Variants in CNTN4 observed in about 807,000 individuals in gnomAD.
CNTN4 encodes contactin-4.
CNTN4 carries 77 observed loss-of-function variants against 122.5 expected under a neutral mutation model. The ratio of observed to expected loss-of-function variants is 0.63; its 90% confidence interval spans 0.52 to 0.76. CNTN4 has a LOEUF of 0.76. CNTN4 is among the 30% of genes least tolerant of loss of function. The pLI is 0.00. For missense variants in CNTN4, 1,256 were observed against 1,259.1 expected, an observed-to-expected ratio of 1.00 and a Z score of 0.04; for synonymous variants, 512 against 447.0, an observed-to-expected ratio of 1.15 and a Z score of -1.83.
intron 4 of CNTN4, among the ~76,000 whole-genome samples, chr3:2,580,228 T>C (rs2079875254): frequency 6.6e-6 from 1 of 152,058 alleles, no homozygotes; most frequent in Non-Finnish European, 1.5e-5. Context: ...AAACCAGTGG[T>C]GTTGGTGACA....
rs138984686 is a variant in CNTN4 at position 3,031,865 on chromosome 3, G to A, written c.1783+890G>A. 8.5e-5 allele frequency among the ~76,000 whole-genome samples: 13 copies of A among 152,260 alleles called. No homozygotes were observed. The East Asian group carries it at 2.1e-3, about 25-fold the overall frequency. The stretch of plus-strand genomic sequence containing the variant: ...GGCATCTTTGGCCGGCTGGCAGAGC[G>A]CATGGCAAAACTTCGAACGCAAGAA... On this transcript the variant is annotated intron_variant, in intron 16 of 24. Transcript: ENST00000418658.
At chr3:2,918,721 G>T (rs916694661) in intron 12 of CNTN4, among the ~76,000 whole-genome samples, 3 of 152,184 alleles carry the variant, frequency 2.0e-5, no homozygotes, top group African/African-American at 7.2e-5. Context: ...CACCAGTTCA[G>T]ATGATTTAGT....
At chr3:2,925,831 G>T (rs545276840) in intron 13 of CNTN4, 52 bp downstream of exon 13, 76 of 1,499,854 alleles carry the variant, frequency 5.1e-5, no homozygotes, top group Non-Finnish European at 3.9e-5. Context: ...AAATGTGTTG[G>T]TCTGTTATTA....
chr3:2,596,083 G>C (rs1559284424), intron 4 of CNTN4, among the ~76,000 whole-genome samples: 1 of 152,144 alleles, frequency 6.6e-6, no homozygotes. Context: ...TTACATGAAG[G>C]TTTAATTAAA....
intron 3 of CNTN4, among the ~76,000 whole-genome samples, chr3:2,364,193 C>T (rs1486110648): frequency 1.3e-5 from 2 of 152,156 alleles, no homozygotes; most frequent in Non-Finnish European, 2.9e-5. Context: ...ACTGCTGAAA[C>T]CAGCTGGCAG....
intron 2 of CNTN4, among the ~76,000 whole-genome samples, chr3:2,264,281 AT>A (rs2040954667): frequency 1.3e-5 from 2 of 151,762 alleles, no homozygotes; most frequent in Non-Finnish European, 2.9e-5. Context: ...AGCATGTGTT[AT>A]TTTTTGTCTT....
chr3:2,421,586 TC>T (rs1163692068), intron 3 of CNTN4, among the ~76,000 whole-genome samples: 3 of 152,188 alleles, frequency 2.0e-5, no homozygotes, highest in Non-Finnish European at 4.4e-5. Context: ...ATTTCTTTTT[TC>T]TTCTCTGTTG....
At chr3:2,569,940 C>G (rs1319180876) in intron 3 of CNTN4, among the ~76,000 whole-genome samples, 1 of 152,052 alleles carries the variant, frequency 6.6e-6, no homozygotes, top group African/African-American at 2.4e-5. Flanking sequence ...TAAAGAGACT[C>G]TAGAGGATAG....
chr3:2,168,607 A>T (rs2036306791), intron 2 of CNTN4, among the ~76,000 whole-genome samples: 1 of 152,144 alleles, frequency 6.6e-6, no homozygotes, highest in Non-Finnish European at 1.5e-5. Context: ...TAAAAGTAGA[A>T]ATTAATGACT....
At chr3:2,456,479 A>G (rs1043998810) in intron 3 of CNTN4, among the ~76,000 whole-genome samples, 5 of 152,110 alleles carry the variant, frequency 3.3e-5, no homozygotes, top group African/African-American at 1.2e-4. Flanking sequence ...CATCACCTTC[A>G]AATAAAACCC....
rs1259940218 is a variant in CNTN4, at chr3:2,787,328, A to G, written c.359-32158A>G. 3.9e-5 allele frequency among the ~76,000 whole-genome samples: 6 copies of G among 152,178 alleles called. No homozygotes were observed. The South Asian group carries it at 1.2e-3, about 32-fold the overall frequency. On this transcript the variant is annotated intron_variant, in intron 6 of 24. Coordinates refer to ENST00000418658, the MANE Select transcript of CNTN4 (RefSeq NM_175607.3). Reference sequence around the variant, plus strand: ...GAGGTGGAGGTTGCAGTGAGCCGAGATCATGCCACTGCTCTCCAGCCTGGG... The same window carrying G: ...GAGGTGGAGGTTGCAGTGAGCCGAGGTCATGCCACTGCTCTCCAGCCTGGG...
chr3:2,824,158 TAAA>T (rs56973508), intron 7 of CNTN4, among the ~76,000 whole-genome samples: 3 of 142,860 alleles, frequency 2.1e-5, no homozygotes, highest in Non-Finnish European at 3.1e-5. Context: ...CCAAGGCTGT[TAAA>T]AAAAAAAAAA....
intron 3 of CNTN4, among the ~76,000 whole-genome samples, chr3:2,553,718 T>G (rs1266513561): frequency 6.6e-6 from 1 of 152,142 alleles, no homozygotes; most frequent in East Asian, 1.9e-4. Flanking sequence ...CAAACTAACT[T>G]TGCTGAATTA....
At position 2,638,643 on chromosome 3, in the gene CNTN4, T is replaced by C. The variant is rs552211837; in HGVS notation, c.55+67085T>C. On this transcript the variant is annotated intron_variant, in intron 4 of 24. Coordinates refer to ENST00000418658, the MANE Select transcript of CNTN4 (RefSeq NM_175607.3). Reference sequence around the variant, plus strand: ...GAATTTCTTTATATGAAAACTAATATCGTTGATGAAACCATTTAGCTAGAC... The same window carrying C: ...GAATTTCTTTATATGAAAACTAATACCGTTGATGAAACCATTTAGCTAGAC... 2.6e-5 allele frequency among the ~76,000 whole-genome samples: 4 copies of C among 152,304 alleles called. No homozygotes were observed. In the South Asian group the frequency reaches 8.3e-4, roughly 32 times the overall value.
chr3:3,040,133 T>C lies in CNTN4; in HGVS notation c.2260T>C (p.Ser754Pro), dbSNP rs1360631746. Reference sequence around the variant, plus strand: ...GATCTGGATGCTGACAGTGCTGGCCTCAGCTGATGCCTCTAGATACGTGTT... The same window carrying C: ...GATCTGGATGCTGACAGTGCTGGCCCCAGCTGATGCCTCTAGATACGTGTT... The part of the protein sequence containing the change: ...KMIWMLTVLA[S>P]ADASRYVFRN... Residue 754 changes from serine (S) to proline (P), a missense_variant, in exon 20 of 25, where the codon TCA becomes CCA. By Grantham distance (74) the Ser-to-Pro change is moderately conservative. Coordinates refer to ENST00000418658, the MANE Select transcript of CNTN4 (RefSeq NM_175607.3). 6.2e-7 allele frequency: 1 copy of C among 1,614,032 alleles called. No individual in the cohort carries two copies. Among genetic ancestry groups the C allele is most frequent in the African/African-American group, 1.3e-5 (1 of 74,938 alleles).
At chr3:2,380,512 T>C (rs749176212) in intron 3 of CNTN4, among the ~76,000 whole-genome samples, 8 of 152,200 alleles carry the variant, frequency 5.3e-5, no homozygotes, top group Non-Finnish European at 1.2e-4. Context: ...TTACCACTCT[T>C]GAAGGATATT....
intron 2 of CNTN4, among the ~76,000 whole-genome samples, chr3:2,336,689 A>AG: frequency 6.6e-6 from 1 of 152,242 alleles, no homozygotes; most frequent in South Asian, 2.1e-4. Context: ...AAAAAATTAT[A>AG]GCTAAAACCT....
At chr3:2,662,709 G>T (rs534547105) in intron 4 of CNTN4, among the ~76,000 whole-genome samples, 2 of 152,148 alleles carry the variant, frequency 1.3e-5, no homozygotes, top group Non-Finnish European at 2.9e-5. Context: ...TCAACTATCT[G>T]TTGACATAAA....
At chr3:2,332,723 G>A (rs1410853600) in intron 2 of CNTN4, among the ~76,000 whole-genome samples, 1 of 145,340 alleles carries the variant, frequency 6.9e-6, no homozygotes, top group Admixed American at 6.9e-5. Flanking sequence ...GACTGTTGTG[G>A]GGTGGGGGGA....
Sources: gnomAD v4.1 joint callset for allele counts (sites outside exome capture counted in the v4.1 genomes callset) on GRCh38, gnomAD v4.1.1 for gene constraint, MANE v1.5 for transcripts, NCBI Gene and HGNC (gene_info 2026-07-23, HGNC 2026-07-21) for gene names.